Variants in SIPA1L2 observed in about 807,000 individuals in gnomAD.
SIPA1L2 encodes the protein signal induced proliferation associated 1 like 2.
In SIPA1L2, 56 loss-of-function variants were observed where a neutral mutation model predicts 163.9. The ratio of observed to expected loss-of-function variants is 0.34; its 90% CI spans 0.28 to 0.43. The LOEUF (loss-of-function observed/expected upper bound fraction) is 0.43, where lower values mean the gene tolerates loss of function less well. SIPA1L2 is among the 20% of genes least tolerant of loss of function. The pLI is 1.00. For missense variants in SIPA1L2, 1,974 were observed against 2,193.5 expected, an observed-to-expected ratio of 0.90 and a Z score of 2.00; for synonymous variants, 877 against 865.7, an observed-to-expected ratio of 1.01 and a Z score of -0.23.
chr1:232,410,568 G>A (rs1263517329), intron 19 of SIPA1L2, among the ~76,000 whole-genome samples: 2 of 146,408 alleles, frequency 1.4e-5, no homozygotes, highest in South Asian at 2.2e-4. Flanking sequence ...ATATACGCAA[G>A]GGCATCATTA....
intron 1 of SIPA1L2, among the ~76,000 whole-genome samples, chr1:232,582,303 C>T (rs534412766): frequency 6.6e-6 from 1 of 152,192 alleles, no homozygotes; most frequent in East Asian, 1.9e-4. Flanking sequence ...CTCCTTCCTT[C>T]CCTCCCTCCC....
At chr1:232,404,298 C>A in intron 19 of SIPA1L2, 120 bp from the exon 20 acceptor site, 1 of 750,900 alleles carries the variant, frequency 1.3e-6, no homozygotes, top group Non-Finnish European at 2.3e-6. Flanking sequence ...CCAGGGGAAA[C>A]CCTTGAGAGC....
intron 1 of SIPA1L2, among the ~76,000 whole-genome samples, chr1:232,593,778 A>T (rs1407561560): frequency 6.6e-6 from 1 of 152,212 alleles, no homozygotes; most frequent in African/African-American, 2.4e-5. Context: ...AAATCGTGTC[A>T]AATAAGCAAT....
At chr1:232,569,270 G>A in intron 2 of SIPA1L2, among the ~76,000 whole-genome samples, 1 of 152,216 alleles carries the variant, frequency 6.6e-6, no homozygotes, top group South Asian at 2.1e-4. Flanking sequence ...AATTTAGGAA[G>A]AGATATGAAA....
chr1:232,600,053 T>C (rs1171054555), intron 1 of SIPA1L2, among the ~76,000 whole-genome samples: 1 of 152,178 alleles, frequency 6.6e-6, no homozygotes, highest in Non-Finnish European at 1.5e-5. Context: ...GTTGCCAGAG[T>C]TTAGTGCCTT....
chr1:232,605,735 A>T (rs1466776263), intron 1 of SIPA1L2, among the ~76,000 whole-genome samples: 2 of 152,162 alleles, frequency 1.3e-5, no homozygotes, highest in South Asian at 2.1e-4. Flanking sequence ...ACAAAAAAAT[A>T]AGGTACTCCA....
intron 8 of SIPA1L2, among the ~76,000 whole-genome samples, chr1:232,469,558 C>G (rs1386372202): frequency 6.6e-6 from 1 of 152,062 alleles, no homozygotes; most frequent in Admixed American, 6.5e-5. Flanking sequence ...TGAGGCACTT[C>G]CAAAAATGTT....
At position 232,438,244 on chromosome 1, in the gene SIPA1L2, T is replaced by C. The variant is rs373967100; in HGVS notation, c.4031+864A>G. ...CATAGCACTAGGTACCTGCAAGAAA[T>C]ATTCCCATTCTTAGTTCATCTGACT... On this transcript the variant is annotated intron_variant, in intron 15 of 22. Transcript: ENST00000674635. 2.6e-5 allele frequency among the ~76,000 whole-genome samples: 4 copies of C among 152,106 alleles called. 1 individual carries two copies. The East Asian group carries it at 7.7e-4, about 29-fold the overall frequency.
intron 10 of SIPA1L2, among the ~76,000 whole-genome samples, chr1:232,453,317 CA>C (rs1186309426): frequency 3.3e-5 from 5 of 151,904 alleles, no homozygotes; most frequent in East Asian, 1.9e-4. Context: ...ATATTCTTAT[CA>C]AAAAAAGAGA....
intron 2 of SIPA1L2, among the ~76,000 whole-genome samples, chr1:232,564,251 TGTGTGTGTGTGTG>T: frequency 8.5e-5 from 6 of 70,756 alleles, no homozygotes; most frequent in Non-Finnish European, 1.4e-4. Context: ...TGTGTGTGTG[TGTGTGTGTGTGTG>T]TGTGTGTGTG....
At chr1:232,625,110 C>T (rs1276239101) in intron 1 of SIPA1L2, among the ~76,000 whole-genome samples, 1 of 151,868 alleles carries the variant, frequency 6.6e-6, no homozygotes. Flanking sequence ...TCAGTAGAAC[C>T]AGCAAAGGAG....
At chr1:232,474,108 G>A (rs920314139) in intron 7 of SIPA1L2, among the ~76,000 whole-genome samples, 3 of 152,080 alleles carry the variant, frequency 2.0e-5, no homozygotes, top group Admixed American at 6.6e-5. Context: ...AACCACAAAC[G>A]AACGCAGGCT....
At chr1:232,445,077 T>C (rs1335680176) in intron 11 of SIPA1L2, among the ~76,000 whole-genome samples, 3 of 152,238 alleles carry the variant, frequency 2.0e-5, no homozygotes, top group Non-Finnish European at 4.4e-5. Flanking sequence ...CTCACTTTGC[T>C]TAAAAGGAGA....
intron 19 of SIPA1L2, among the ~76,000 whole-genome samples, chr1:232,406,254 G>T (rs1201499744): frequency 1.3e-5 from 2 of 152,138 alleles, no homozygotes; most frequent in African/African-American, 4.8e-5. Flanking sequence ...ACAGGCACAA[G>T]AATAGGAGCT....
intron 8 of SIPA1L2, among the ~76,000 whole-genome samples, chr1:232,466,995 T>C (rs895728862): frequency 2.0e-5 from 3 of 152,194 alleles, no homozygotes; most frequent in Non-Finnish European, 4.4e-5. Context: ...TTTGTTTTCA[T>C]CATTGTGGAA....
rs528157832 is a variant in SIPA1L2, at chr1:232,401,975, G to C, written c.5022+417C>G. On this transcript the variant is annotated intron_variant, in intron 22 of 22. Transcript: ENST00000674635. The stretch of plus-strand genomic sequence containing the variant: ...CATGTGCAGGTTGATGTGTACAGCA[G>C]AAGTTCTAAGGGCTGTGAAGCTGAT... Among the ~76,000 whole-genome samples the C allele has an allele frequency of 5.1e-4, 78 of 151,986 alleles. 1 individual carries two copies. The highest frequency in any genetic ancestry group is 7.8e-4 in the Non-Finnish European group (53 of 68,038).
chr1:232,462,344 A>G, intron 9 of SIPA1L2: 1 of 1,536,174 alleles, frequency 6.5e-7, no homozygotes, highest in South Asian at 1.2e-5. Context: ...GTTTCAGTTT[A>G]ATGAACACTC....
intron 2 of SIPA1L2, among the ~76,000 whole-genome samples, chr1:232,569,221 C>G (rs141131158): frequency 6.6e-6 from 1 of 152,254 alleles, no homozygotes; most frequent in African/African-American, 2.4e-5. Context: ...TTTGTGTTTA[C>G]CCACCCTGAC....
At chr1:232,582,166 T>A (rs1432766888) in intron 1 of SIPA1L2, among the ~76,000 whole-genome samples, 1 of 150,734 alleles carries the variant, frequency 6.6e-6, no homozygotes, top group Non-Finnish European at 1.5e-5. Context: ...CTGTCTATGC[T>A]TTTTCCATAA....
Sources: gnomAD v4.1 joint callset for allele counts (sites outside exome capture counted in the v4.1 genomes callset) on GRCh38, gnomAD v4.1.1 for gene constraint, MANE v1.5 for transcripts, NCBI Gene and HGNC (gene_info 2026-07-23, HGNC 2026-07-21) for gene names.